The following CSTF3 variants were observed in gnomAD, a reference collection of about 807,000 sequenced individuals.
CSTF3 encodes the protein cleavage stimulation factor subunit 3, also known as CF-1 77 kDa subunit.
Under a neutral mutation model 105.8 loss-of-function variants are expected in CSTF3, and 29 were observed. That is an observed-to-expected ratio of 0.27 (90% CI 0.20 to 0.37). CSTF3 has a LOEUF of 0.37. Among genes scored for constraint, CSTF3 ranks in the 10% least tolerant of loss-of-function variants. CSTF3 has a pLI of 1.00. For missense variants in CSTF3, 357 were observed against 879.3 expected, an observed-to-expected ratio of 0.41 and a Z score of 7.51; for synonymous variants, 252 against 281.9, an observed-to-expected ratio of 0.89 and a Z score of 1.06.
chr11:33,087,024 G>C lies in CSTF3; in HGVS notation c.1759C>G (p.Gln587Glu), dbSNP rs760913649. 29 of 1,613,994 alleles carry C rather than the reference G, an allele frequency of 1.8e-5. No homozygotes were observed. Among genetic ancestry groups the C allele is most frequent in the Non-Finnish European group, 2.3e-5 (27 of 1,180,014 alleles). ...CGTGGCTGAAATGGAATCATCTGCTGAGTGTCTGGTTTAGGGTATTCTGGT... is the reference window on the plus strand; with the variant it reads ...CGTGGCTGAAATGGAATCATCTGCTCAGTGTCTGGTTTAGGGTATTCTGGT... ...RKPEYPKPDT[Q>E]QMIPFQPRHL... The change falls in exon 18 of 21, where the codon CAG becomes GAG. Residue 587 changes from glutamine (Q) to glutamate (E), a missense_variant. Transcript: ENST00000323959.
intron 3 of CSTF3, among the ~76,000 whole-genome samples, chr11:33,126,861 A>T (rs762055846): frequency 5.6e-4 from 85 of 152,350 alleles, no homozygotes; most frequent in Middle Eastern, 6.8e-3. Flanking sequence ...TAAGTAAATT[A>T]TTCAGTACAT....
chr11:33,154,699 A>G (rs4756090), intron 1 of CSTF3, among the ~76,000 whole-genome samples: 84,384 of 151,592 alleles, frequency 0.56, 26,067 homozygotes, highest in Non-Finnish European at 0.69. Flanking sequence ...GTTTCACCAT[A>G]CTAGCCAGGC....
chr11:33,148,082 C>T (rs1367561798), intron 1 of CSTF3, among the ~76,000 whole-genome samples: 1 of 152,172 alleles, frequency 6.6e-6, no homozygotes, highest in Non-Finnish European at 1.5e-5. Flanking sequence ...TCAAGACCCA[C>T]TTGCTCAAAT....
At chr11:33,144,926 A>G in intron 1 of CSTF3, 1 of 214,892 alleles carries the variant, frequency 4.7e-6, no homozygotes, top group Non-Finnish European at 9.6e-6. Context: ...CAGGGAACTG[A>G]GATTGCCGCC....
intron 10 of CSTF3, among the ~76,000 whole-genome samples, chr11:33,100,054 GC>G (rs1465337318): frequency 1.3e-5 from 2 of 151,894 alleles, no homozygotes; most frequent in Admixed American, 6.6e-5. Context: ...ACCACATCTG[GC>G]TTATTTTTAA....
chr11:33,103,196 C>A lies in CSTF3; in HGVS notation c.586-12G>T. The A allele has an allele frequency of 7.5e-7, 1 of 1,332,806 alleles. No individual in the cohort carries two copies. Among genetic ancestry groups the A allele is most frequent in the Non-Finnish European group, 1.0e-6 (1 of 963,646 alleles). The allele number at this position is 1,332,806 out of a possible 1,614,324, so 82.6% of individuals were successfully genotyped here. On this transcript the variant is annotated splice_polypyrimidine_tract_variant and intron_variant, in intron 8 of 20. Coordinates refer to ENST00000323959, the MANE Select transcript of CSTF3 (RefSeq NM_001326.3). ...TGAATATTGATACCCTAGAAAAAAA[C>A]AAAAATATTTTAAAATTAAGTATAG...
intron 1 of CSTF3, among the ~76,000 whole-genome samples, chr11:33,158,999 C>A (rs181388900): frequency 6.6e-6 from 1 of 151,716 alleles, no homozygotes; most frequent in African/African-American, 2.4e-5. Context: ...AAAAAAAAAT[C>A]ACATTCTTGG....
chr11:33,087,084 TAGA>T lies in CSTF3; in HGVS notation c.1696_1698del (p.Ser566del). The T allele has an allele frequency of 6.2e-7, 1 of 1,614,120 alleles. No homozygotes were observed. The highest frequency in any genetic ancestry group is 8.5e-7 in the Non-Finnish European group (1 of 1,180,002). ...ACTTCATCTTTCAGAACAGGCACTA[TAGA>T]AGGAGCTACAACTGGGTCCGGAATT... On this transcript the variant is annotated inframe_deletion, in exon 18 of 21. Transcript: ENST00000323959.
intron 15 of CSTF3, 121 bp downstream of exon 15, chr11:33,096,185 C>T: frequency 1.7e-6 from 1 of 599,784 alleles, no homozygotes; most frequent in Non-Finnish European, 2.8e-6. Flanking sequence ...TTCTTGAGTG[C>T]CTAACAAGTG....
At chr11:33,142,968 T>G (rs770664564) in intron 1 of CSTF3, among the ~76,000 whole-genome samples, 1 of 152,032 alleles carries the variant, frequency 6.6e-6, no homozygotes, top group Non-Finnish European at 1.5e-5. Flanking sequence ...ATGAGAGAGG[T>G]TGAAGTCACA....
chr11:33,111,866 T>G (rs970593237), intron 3 of CSTF3, among the ~76,000 whole-genome samples: 2 of 152,206 alleles, frequency 1.3e-5, no homozygotes, highest in Non-Finnish European at 2.9e-5. Context: ...TAAATATTAT[T>G]TGAGAGACCT....
At chr11:33,154,340 A>C (rs1324345798) in intron 1 of CSTF3, among the ~76,000 whole-genome samples, 1 of 152,224 alleles carries the variant, frequency 6.6e-6, no homozygotes, top group Non-Finnish European at 1.5e-5. Flanking sequence ...ATTAAAAATA[A>C]GGTGGCAACA....
At chr11:33,158,602 C>T (rs566427240) in intron 1 of CSTF3, among the ~76,000 whole-genome samples, 1 of 152,130 alleles carries the variant, frequency 6.6e-6, no homozygotes, top group Non-Finnish European at 1.5e-5. Flanking sequence ...CAAAGGGGAA[C>T]ATGACCCTTA....
At chr11:33,091,518 G>A (rs908389805) in intron 16 of CSTF3, among the ~76,000 whole-genome samples, 1 of 152,096 alleles carries the variant, frequency 6.6e-6, no homozygotes, top group Non-Finnish European at 1.5e-5. Context: ...TAATATTTCC[G>A]CTGTACCACT....
chr11:33,145,623 C>A (rs868709764), intron 1 of CSTF3, among the ~76,000 whole-genome samples: 3 of 151,738 alleles, frequency 2.0e-5, no homozygotes, highest in Non-Finnish European at 4.4e-5. Context: ...ACCATCCTGG[C>A]TAACAGGGTG....
At chr11:33,133,240 A>C (rs1855619149) in intron 3 of CSTF3, among the ~76,000 whole-genome samples, 1 of 152,242 alleles carries the variant, frequency 6.6e-6, no homozygotes, top group African/African-American at 2.4e-5. Flanking sequence ...AAAACACCAG[A>C]TAATTCCATG....
intron 10 of CSTF3, among the ~76,000 whole-genome samples, chr11:33,100,896 A>G (rs1456420377): frequency 6.6e-6 from 1 of 152,256 alleles, no homozygotes; most frequent in Non-Finnish European, 1.5e-5. Context: ...GAGGAATTCA[A>G]TAAAGCTCCA....
At chr11:33,112,051 C>T (rs1411879412) in intron 3 of CSTF3, among the ~76,000 whole-genome samples, 1 of 152,130 alleles carries the variant, frequency 6.6e-6, no homozygotes, top group African/African-American at 2.4e-5. Flanking sequence ...GTCAGGAATT[C>T]GAGACCAGCC....
intron 3 of CSTF3, among the ~76,000 whole-genome samples, chr11:33,118,127 GA>G (rs1432248980): frequency 6.8e-6 from 1 of 147,778 alleles, no homozygotes; most frequent in African/African-American, 2.5e-5. Flanking sequence ...AGCTGATTTT[GA>G]ACGGTAAGTT....
Sources: gnomAD v4.1 joint callset for allele counts (sites outside exome capture counted in the v4.1 genomes callset) on GRCh38, gnomAD v4.1.1 for gene constraint, MANE v1.5 for transcripts, NCBI Gene and HGNC (gene_info 2026-07-23, HGNC 2026-07-21) for gene names.